The following TRAF3 variants were observed in gnomAD, a reference collection of about 807,000 sequenced individuals.
The protein encoded by TRAF3 is TNF receptor-associated factor 3.
A neutral mutation model predicts 62.3 loss-of-function variants in TRAF3; 13 were observed. The observed-to-expected ratio is 0.21, with a 90% CI of 0.14 to 0.33. The LOEUF (loss-of-function observed/expected upper bound fraction) is 0.33, where lower values mean the gene tolerates loss of function less well. TRAF3 is among the 10% of genes least tolerant of loss of function. The pLI, the probability that TRAF3 is intolerant of heterozygous loss-of-function variation, is 1.00. For missense variants in TRAF3, 440 were observed against 741.8 expected (o/e 0.59, Z 4.73); for synonymous variants, 269 against 283.4 (o/e 0.95, Z 0.51).
At chr14:102,891,533 A>C in intron 9 of TRAF3, 116 bp downstream of exon 9, 1 of 1,152,420 alleles carries the variant, frequency 8.7e-7, no homozygotes. Flanking sequence ...TATCAAGAGA[A>C]TGTCAAAAAA....
At chr14:102,797,311 C>T (rs376171557) in intron 1 of TRAF3, among the ~76,000 whole-genome samples, 3 of 152,272 alleles carry the variant, frequency 2.0e-5, no homozygotes, top group Non-Finnish European at 2.9e-5. Flanking sequence ...GTCTGAGAGG[C>T]GTCTTCATAG....
chr14:102,789,269 A>T (rs527285767), intron 1 of TRAF3, among the ~76,000 whole-genome samples: 1 of 152,170 alleles, frequency 6.6e-6, no homozygotes, highest in African/African-American at 2.4e-5. Context: ...TCATTTGTTC[A>T]TGGGCATTTG....
intron 1 of TRAF3, among the ~76,000 whole-genome samples, chr14:102,798,802 G>C (rs148504649): frequency 6.6e-6 from 1 of 152,252 alleles, no homozygotes; most frequent in Non-Finnish European, 1.5e-5. Context: ...GCACTTCATG[G>C]GTGCCAGTCC....
chr14:102,850,893 C>T (rs1319345856), intron 2 of TRAF3, among the ~76,000 whole-genome samples: 1 of 152,124 alleles, frequency 6.6e-6, no homozygotes, highest in African/African-American at 2.4e-5. Flanking sequence ...GTACATTTCT[C>T]TCTGTGTGGA....
rs2139621264 is a variant in TRAF3 at position 102,829,493 on chromosome 14, G to A, written c.-156-841G>A. Among the ~76,000 whole-genome samples the A allele has an allele frequency of 3.3e-5, 5 of 152,274 alleles. No homozygotes were observed. The Middle Eastern group carries it at 0.017, about 518-fold the overall frequency. On this transcript the variant is annotated intron_variant, in intron 1 of 11. Coordinates refer to ENST00000392745, the MANE Select transcript of TRAF3 (RefSeq NM_145725.3). ...AGGAACTAGCCTGTGTGTGTGTGAT[G>A]ACCTGCCACCTCAGTCCATGCACTG...
intron 9 of TRAF3, 120 bp from the exon 10 acceptor site, chr14:102,897,140 TC>T: frequency 1.1e-6 from 1 of 949,894 alleles, no homozygotes; most frequent in Non-Finnish European, 1.6e-6. Context: ...GGGATTTTTT[TC>T]TTCTGAAACT....
chr14:102,891,070 G>A (rs1410399577), intron 8 of TRAF3, among the ~76,000 whole-genome samples: 2 of 152,168 alleles, frequency 1.3e-5, no homozygotes, highest in Non-Finnish European at 2.9e-5. Flanking sequence ...GAAGGGATGC[G>A]GAGATAACCC....
intron 2 of TRAF3, among the ~76,000 whole-genome samples, chr14:102,849,958 C>T (rs903094075): frequency 3.3e-5 from 5 of 152,176 alleles, no homozygotes; most frequent in East Asian, 3.8e-4. Flanking sequence ...TGCTTTCTTG[C>T]GGCAGGAGCC....
chr14:102,795,806 A>G (rs1406858868), intron 1 of TRAF3, among the ~76,000 whole-genome samples: 1 of 152,208 alleles, frequency 6.6e-6, no homozygotes, highest in Non-Finnish European at 1.5e-5. Context: ...AATGCTGCAC[A>G]GAGAGGCCAA....
intron 9 of TRAF3, among the ~76,000 whole-genome samples, chr14:102,892,078 G>A (rs1270484832): frequency 4.1e-5 from 6 of 146,104 alleles, no homozygotes; most frequent in Non-Finnish European, 4.5e-5. Context: ...TCCCCAAGAC[G>A]GAGTTTTGCT....
intron 9 of TRAF3, 120 bp from the exon 10 acceptor site, chr14:102,897,141 C>A: frequency 1.0e-6 from 1 of 958,776 alleles, no homozygotes; most frequent in Non-Finnish European, 1.6e-6. Context: ...GGATTTTTTT[C>A]TTCTGAAACT....
rs1346245742 is a variant in TRAF3 at position 102,826,409 on chromosome 14, G to C, written c.-156-3925G>C. On this transcript the variant is annotated intron_variant, in intron 1 of 11. Coordinates refer to ENST00000392745, the MANE Select transcript of TRAF3 (RefSeq NM_145725.3). This position sits in a 1 kb window ranked among gnomAD's most constrained non-coding sequence, Gnocchi z 4.6. Reference sequence around the variant, plus strand: ...ACCGCCACTGCAGGGCTTCTGTGCGGGGGCAGCTGCAGAGCCGCCGCTTCA... The same window carrying C: ...ACCGCCACTGCAGGGCTTCTGTGCGCGGGCAGCTGCAGAGCCGCCGCTTCA... Among the ~76,000 whole-genome samples, 1 of 152,210 alleles carries C rather than the reference G, an allele frequency of 6.6e-6. No individual in the cohort carries two copies. The highest frequency in any genetic ancestry group is 2.4e-5 in the African/African-American group (1 of 41,452).
chr14:102,837,264 G>A lies in TRAF3; in HGVS notation c.-18+6792G>A, dbSNP rs141465692. Reference sequence around the variant, plus strand: ...AGCCATCCTCCCGCCTCAGCCTCCCGAGTAGCTGGGACCACAGGTGCATGC... The same window carrying A: ...AGCCATCCTCCCGCCTCAGCCTCCCAAGTAGCTGGGACCACAGGTGCATGC... On this transcript the variant is annotated intron_variant, in intron 2 of 11. Transcript: ENST00000392745. 2.5e-4 allele frequency among the ~76,000 whole-genome samples: 38 copies of A among 151,714 alleles called. No individual in the cohort carries two copies. In the East Asian group the frequency reaches 7.0e-3, roughly 28 times the overall value.
In TRAF3 at chr14:102,877,670, CATAG is replaced by C. The variant is rs1888785297; in HGVS notation, c.570+1149_570+1152del. 4.0e-5 allele frequency among the ~76,000 whole-genome samples: 6 copies of C among 149,402 alleles called. No homozygotes were observed. The Admixed American group carries it at 4.0e-4, about 10-fold the overall frequency. ...CGTTCCACAGGCCTTCCGCTCAGCT[CATAG>C]ATAATCTGTTCCACAGGCCTTCTGC... is the stretch of plus-strand genomic sequence containing the variant. On this transcript the variant is annotated intron_variant, in intron 6 of 11. Coordinates refer to ENST00000392745, the MANE Select transcript of TRAF3 (RefSeq NM_145725.3).
At chr14:102,839,665 TACTC>T (rs1484025898) in intron 2 of TRAF3, among the ~76,000 whole-genome samples, 1 of 152,238 alleles carries the variant, frequency 6.6e-6, no homozygotes, top group East Asian at 1.9e-4. Flanking sequence ...ACTATATAAT[TACTC>T]AGTTATTTTG....
Position 102,906,556 on chromosome 14 carries a change from A to G in TRAF3, c.*772A>G, listed in dbSNP as rs1890593333. 6.6e-6 allele frequency: 1 copy of G among 152,250 alleles called. No individual in the cohort carries two copies. Among genetic ancestry groups the G allele is most frequent in the African/African-American group, 2.4e-5 (1 of 41,468 alleles). 9.4% of individuals were successfully genotyped at this position (152,250 alleles called of 1,614,324 possible). A position where few individuals can be genotyped will look rare whatever the true frequency, so the allele number is the denominator to read the frequency against. On this transcript the variant is annotated 3_prime_UTR_variant, in exon 12 of 12. Transcript: ENST00000392745. The stretch of plus-strand genomic sequence containing the variant: ...TTCTCGTTAGAAATGTAAACCTTCA[A>G]ATATCTGTCGTAGTTAATGACACGA...
chr14:102,784,449 C>T (rs1001014428), intron 1 of TRAF3, among the ~76,000 whole-genome samples: 7 of 152,082 alleles, frequency 4.6e-5, no homozygotes, highest in Non-Finnish European at 1.0e-4. Context: ...TCTTGAACTC[C>T]TGACTTCAGG....
At chr14:102,902,776 G>C (rs1890368444) in intron 10 of TRAF3, among the ~76,000 whole-genome samples, 1 of 152,220 alleles carries the variant, frequency 6.6e-6, no homozygotes, top group Admixed American at 6.5e-5. Context: ...GAACAGGAGA[G>C]CTGGTGGGGT....
intron 9 of TRAF3, among the ~76,000 whole-genome samples, chr14:102,892,881 G>A (rs1000462973): frequency 3.3e-5 from 5 of 152,190 alleles, no homozygotes; most frequent in African/African-American, 9.7e-5. Flanking sequence ...CAGCAGTGCC[G>A]GACTCATATT....
Sources: gnomAD v4.1 joint callset for allele counts (sites outside exome capture counted in the v4.1 genomes callset) on GRCh38, gnomAD v4.1.1 for gene constraint, Gnocchi (gnomAD v3.1) non-coding constraint, MANE v1.5 for transcripts, NCBI Gene and HGNC (gene_info 2026-07-23, HGNC 2026-07-21) for gene names.